The following GCNA variants were observed in gnomAD, a reference collection of about 807,000 sequenced individuals.
The protein encoded by GCNA is germ cell nuclear acidic peptidase.
Under a neutral mutation model 38.8 loss-of-function variants are expected in GCNA, and 3 were observed. The ratio of observed to expected loss-of-function variants is 0.08; its 90% CI spans 0.04 to 0.20. GCNA has a LOEUF of 0.20. Among genes scored for constraint, GCNA ranks in the 10% least tolerant of loss-of-function variants. The probability of loss-of-function intolerance (pLI) is 1.00; values close to 1 mark genes in which losing one functional copy is unlikely to be tolerated. For missense variants in GCNA, 446 were observed against 578.6 expected (o/e 0.77, Z 2.35); for synonymous variants, 195 against 240.2 (o/e 0.81, Z 1.74).
At chrX:71,593,564 C>T (rs2040647014) in intron 4 of GCNA, among the ~76,000 whole-genome samples, 1 of 107,899 alleles carries the variant, frequency 9.3e-6, no homozygotes, top group Admixed American at 1.0e-4. Flanking sequence ...GTGCTGGGAC[C>T]CCTGGCAGAT....
intron 9 of GCNA, among the ~76,000 whole-genome samples, 182 bp downstream of exon 9, chrX:71,605,911 G>A (rs2040766191): frequency 8.9e-6 from 1 of 111,802 alleles, no homozygotes; most frequent in African/African-American, 3.3e-5. Flanking sequence ...ACTACCCACT[G>A]GCTCCTTCCT....
Position 71,604,043 on chromosome X carries a change from G to A in GCNA, c.766G>A (p.Asp256Asn), listed in dbSNP as rs751159241. The A allele has an allele frequency of 8.3e-7, 1 of 1,204,131 alleles. No homozygotes were observed. The highest frequency in any genetic ancestry group is 1.8e-5 in the South Asian group (1 of 56,147). Residue 256 changes from aspartate to asparagine, a missense_variant, in exon 8 of 13, where the codon GAC (aspartate) becomes AAC (asparagine). By Grantham distance (23) the Asp-to-Asn change is conservative (BLOSUM62 1). Around this residue, in one of 7 missense-constraint regions of GCNA, gnomAD observed 28 missense variants for 77.0 expected, o/e 0.36. Transcript: ENST00000373696. ...CAGCAGTGATGATTCGGAAGCTCCC[G>A]ACGACAGCAGTGATGATTCGGAAGC... ...DDSSDDSEAP[D>N]DSSDDSEAPD...
Position 71,612,475 on chromosome X carries a change from AC to A in GCNA, c.1874del (p.Pro625ArgfsTer55). 2 of 1,209,900 alleles carry A rather than the reference AC, an allele frequency of 1.7e-6. No individual in the cohort carries two copies. Among genetic ancestry groups the A allele is most frequent in the Non-Finnish European group, 2.2e-6 (2 of 894,828 alleles). ...KYYARKSNRIHPELPRVTRCH... is the reference protein window; with the variant it reads ...KYYARKSNRIXPELPRVTRCH... ...TATGCCAGGAAATCCAACAGGATACACCCGGAGCTGCCCAGGGTCACCCGTT... is the reference window on the plus strand; with the variant it reads ...TATGCCAGGAAATCCAACAGGATACACCGGAGCTGCCCAGGGTCACCCGTT... On this transcript the variant is annotated frameshift_variant, in exon 12 of 13. Coordinates refer to ENST00000373696, the MANE Select transcript of GCNA (RefSeq NM_052957.5). LOFTEE classifies it high-confidence loss of function.
In GCNA at chrX:71,612,431, T is replaced by C. The variant is rs1335032451; in HGVS notation, c.1827T>C (p.His609=). The C allele has an allele frequency of 1.7e-6, 2 of 1,207,247 alleles. No individual in the cohort carries two copies. Among genetic ancestry groups the C allele is most frequent in the East Asian group, 3.0e-5 (1 of 33,785 alleles). ...SWLIDGIHDS[H]GDAWKYYARK... ...TGATTGATGGTATCCATGATTCTCA[T>C]GGTGACGCATGGAAGTATTATGCCA... Residue 609 remains histidine, a synonymous_variant, in exon 12 of 13, where the codon CAT becomes CAC. Transcript: ENST00000373696.
intron 1 of GCNA, among the ~76,000 whole-genome samples, chrX:71,579,605 GTTGT>G (rs2040530321): frequency 9.7e-6 from 1 of 103,332 alleles, no homozygotes; most frequent in Admixed American, 1.0e-4. Context: ...GGAGCTAGTG[GTTGT>G]GGGTAGGGGT....
chrX:71,601,070 G>A (rs979498400), intron 7 of GCNA, among the ~76,000 whole-genome samples: 2 of 111,807 alleles, frequency 1.8e-5, no homozygotes, highest in African/African-American at 6.5e-5. Context: ...GAGAACATGC[G>A]TGTGGTGGCT....
chrX:71,612,746 G>A (rs2040822329), intron 12 of GCNA, 116 bp from the exon 13 acceptor site: 17 of 1,071,315 alleles, frequency 1.6e-5, no homozygotes, highest in South Asian at 6.4e-5. Flanking sequence ...CTTGGTGCCC[G>A]GGTCTCTGAC....
chrX:71,602,372 A>C (rs763167657), intron 7 of GCNA, among the ~76,000 whole-genome samples: 25 of 111,037 alleles, frequency 2.3e-4, no homozygotes, highest in African/African-American at 7.9e-4. Context: ...TTTTTAGTAG[A>C]GATGGGGTTC....
chrX:71,589,633 T>A (rs980366898), intron 2 of GCNA, among the ~76,000 whole-genome samples: 1 of 106,803 alleles, frequency 9.4e-6, no homozygotes, highest in Non-Finnish European at 1.9e-5. Flanking sequence ...CCCAGCTAAG[T>A]TTTGTATTTT....
chrX:71,578,775 T>G (rs1020480347), intron 1 of GCNA, among the ~76,000 whole-genome samples: 43 of 75,906 alleles, frequency 5.7e-4, no homozygotes, highest in African/African-American at 1.0e-3. Context: ...TTGGGAGGGG[T>G]GGGGGCGCCG....
At chrX:71,581,995 G>A (rs893487167) in intron 2 of GCNA, among the ~76,000 whole-genome samples, 1 of 109,878 alleles carries the variant, frequency 9.1e-6, no homozygotes, top group Non-Finnish European at 1.9e-5. Flanking sequence ...AAATACAAAC[G>A]GACCTCAGAC....
At chrX:71,581,834 G>C (rs932637144) in intron 2 of GCNA, among the ~76,000 whole-genome samples, 3 of 111,444 alleles carry the variant, frequency 2.7e-5, no homozygotes, top group Non-Finnish European at 5.6e-5. Context: ...CATAAATATG[G>C]TAAATAAACT....
intron 2 of GCNA, among the ~76,000 whole-genome samples, chrX:71,587,386 G>A (rs2040592462): frequency 9.0e-6 from 1 of 110,631 alleles, no homozygotes; most frequent in Non-Finnish European, 1.9e-5. Context: ...AGAGGTGGGG[G>A]TCTGGTTTTC....
chrX:71,608,833 A>G, intron 9 of GCNA, 140 bp from the exon 10 acceptor site: 1 of 721,741 alleles, frequency 1.4e-6, no homozygotes, highest in South Asian at 3.1e-5. Context: ...CTACAAATGA[A>G]GGCTTGGGAA....
intron 2 of GCNA, among the ~76,000 whole-genome samples, chrX:71,587,027 C>T (rs2040590285): frequency 8.9e-6 from 1 of 111,737 alleles, no homozygotes; most frequent in African/African-American, 3.3e-5. Flanking sequence ...GGGCTAGTAG[C>T]ATGAATGATT....
chrX:71,584,229 A>T (rs1341747479), intron 2 of GCNA, among the ~76,000 whole-genome samples: 2 of 110,898 alleles, frequency 1.8e-5, no homozygotes, highest in African/African-American at 6.6e-5. Flanking sequence ...TAAATGCCCA[A>T]AGTTGCTTTT....
chrX:71,583,835 T>C (rs2147708818), intron 2 of GCNA, among the ~76,000 whole-genome samples: 1 of 107,374 alleles, frequency 9.3e-6, no homozygotes, highest in African/African-American at 3.4e-5. Flanking sequence ...GTAGCTGGGA[T>C]TACAGGCGCA....
chrX:71,583,692 C>CTTTTTTT (rs753557808), intron 2 of GCNA, among the ~76,000 whole-genome samples: 3 of 72,655 alleles, frequency 4.1e-5, no homozygotes, highest in Non-Finnish European at 7.7e-5. Context: ...CTATTATATT[C>CTTTTTTT]TTTTTTTTTT....
intron 2 of GCNA, among the ~76,000 whole-genome samples, chrX:71,585,244 G>A (rs910214521): frequency 3.6e-5 from 4 of 110,523 alleles, no homozygotes; most frequent in African/African-American, 1.3e-4. Context: ...AGCCCAGCAG[G>A]TGGAGGTTGC....
Sources: gnomAD v4.1 joint callset for allele counts (sites outside exome capture counted in the v4.1 genomes callset) on GRCh38, gnomAD v4.1.1 for gene constraint, gnomAD v4.1.1 regional missense constraint, MANE v1.5 for transcripts, NCBI Gene and HGNC (gene_info 2026-07-23, HGNC 2026-07-21) for gene names.